Variants in CTNNA3 observed in about 807,000 individuals in gnomAD.
The protein encoded by CTNNA3 is catenin alpha 3, also known as catenin alpha-3.
CTNNA3 carries 76 observed loss-of-function variants against 95.7 expected under a neutral mutation model. That is an observed-to-expected ratio of 0.79 (90% CI 0.66 to 0.96). The LOEUF is 0.96. Ranked by LOEUF, CTNNA3 falls within the 40% of genes least tolerant of loss-of-function variation. The pLI is 0.00. For missense variants in CTNNA3, 1,191 were observed against 1,089.8 expected (o/e 1.09, Z -1.31); for synonymous variants, 431 against 374.4 (o/e 1.15, Z -1.74).
At chr10:67,400,952 A>G (rs1049915181) in intron 5 of CTNNA3, among the ~76,000 whole-genome samples, 1 of 152,220 alleles carries the variant, frequency 6.6e-6, no homozygotes, top group Admixed American at 6.5e-5. Context: ...GTGCTTATCT[A>G]ATAATATGAT....
intron 5 of CTNNA3, among the ~76,000 whole-genome samples, chr10:67,388,027 T>C (rs10997628): frequency 0.067 from 10,158 of 151,676 alleles, 468 homozygotes; most frequent in African/African-American, 0.13. Context: ...AGGAACACAG[T>C]TCCTCACCAG....
intron 2 of CTNNA3, among the ~76,000 whole-genome samples, chr10:67,623,688 GCA>G (rs1327710092): frequency 6.6e-6 from 1 of 152,116 alleles, no homozygotes; most frequent in Admixed American, 6.5e-5. Flanking sequence ...AGAGAGTGCA[GCA>G]CAGAATTGGG....
intron 7 of CTNNA3, among the ~76,000 whole-genome samples, chr10:66,801,666 G>A (rs546664903): frequency 2.9e-4 from 44 of 151,588 alleles, no homozygotes; most frequent in Admixed American, 9.2e-4. Context: ...ATATTGTTAC[G>A]TTTTCCAATC....
chr10:67,148,773 T>C (rs1172118742), intron 7 of CTNNA3, among the ~76,000 whole-genome samples: 1 of 152,190 alleles, frequency 6.6e-6, no homozygotes, highest in African/African-American at 2.4e-5. Flanking sequence ...TTATAGGTAA[T>C]TTGTAATAAA....
intron 3 of CTNNA3, among the ~76,000 whole-genome samples, chr10:67,540,940 C>G (rs1589405758): frequency 1.3e-5 from 2 of 151,798 alleles, no homozygotes; most frequent in Non-Finnish European, 2.9e-5. Flanking sequence ...CATCATTACT[C>G]TTCGTTTTCT....
chr10:66,518,270 T>C (rs951539587), intron 11 of CTNNA3, among the ~76,000 whole-genome samples: 2 of 152,148 alleles, frequency 1.3e-5, no homozygotes, highest in African/African-American at 2.4e-5. Context: ...ACAATATCCC[T>C]GGATCCCAGG....
chr10:67,296,592 A>G (rs904659685), intron 5 of CTNNA3, among the ~76,000 whole-genome samples: 1 of 152,192 alleles, frequency 6.6e-6, no homozygotes, highest in Non-Finnish European at 1.5e-5. Flanking sequence ...GGTTTAATGC[A>G]ATCCAGTTGT....
intron 14 of CTNNA3, among the ~76,000 whole-genome samples, chr10:66,085,356 G>A (rs1206011877): frequency 6.6e-6 from 1 of 152,050 alleles, no homozygotes; most frequent in Non-Finnish European, 1.5e-5. Context: ...AAGAGAATTG[G>A]TGTTTGTTGG....
intron 5 of CTNNA3, chr10:67,334,916 A>G (rs1841933772): frequency 6.5e-6 from 1 of 154,308 alleles, no homozygotes. Context: ...TCTGTGCACA[A>G]AAACAATCCA....
intron 9 of CTNNA3, among the ~76,000 whole-genome samples, chr10:66,693,819 A>G (rs1362991220): frequency 2.0e-5 from 3 of 152,046 alleles, no homozygotes; most frequent in East Asian, 1.9e-4. Flanking sequence ...ACTCAAAACC[A>G]CTCAACTACA....
chr10:66,505,107 C>T (rs1840406212), intron 11 of CTNNA3, among the ~76,000 whole-genome samples: 1 of 152,098 alleles, frequency 6.6e-6, no homozygotes, highest in African/African-American at 2.4e-5. Flanking sequence ...CCAGTTATGG[C>T]TTTTCTAAAG....
At chr10:66,958,276 A>G (rs938841180) in intron 7 of CTNNA3, among the ~76,000 whole-genome samples, 6 of 148,406 alleles carry the variant, frequency 4.0e-5, no homozygotes, top group Non-Finnish European at 7.4e-5. Flanking sequence ...TTAACAAACC[A>G]CAGGTCTTTT....
intron 12 of CTNNA3, among the ~76,000 whole-genome samples, chr10:66,294,636 G>C (rs903676099): frequency 4.6e-5 from 7 of 152,138 alleles, no homozygotes; most frequent in African/African-American, 1.7e-4. Context: ...AAATGAACAG[G>C]TTGGGACATT....
At chr10:67,105,682 C>T (rs1168978709) in intron 7 of CTNNA3, among the ~76,000 whole-genome samples, 1 of 152,112 alleles carries the variant, frequency 6.6e-6, no homozygotes, top group Non-Finnish European at 1.5e-5. Flanking sequence ...ATGGCCACCA[C>T]AATGGGGAGC....
At chr10:66,699,254 A>G (rs1022742733) in intron 9 of CTNNA3, among the ~76,000 whole-genome samples, 4 of 152,190 alleles carry the variant, frequency 2.6e-5, no homozygotes, top group African/African-American at 9.6e-5. Flanking sequence ...TTGTTGGATC[A>G]TATGGTAGTT....
chr10:66,493,599 A>ATTTT lies in CTNNA3; in HGVS notation c.1531+27014_1531+27017dup, dbSNP rs528761424. Among the ~76,000 whole-genome samples, 36 of 112,010 alleles carry ATTTT rather than the reference A, an allele frequency of 3.2e-4. 3 individuals carry two copies. Among genetic ancestry groups the ATTTT allele is most frequent in the African/African-American group, 1.1e-3 (28 of 26,626 alleles). 73.5% of individuals were successfully genotyped at this position (112,010 alleles called of 152,430 possible). A position where few individuals can be genotyped will look rare whatever the true frequency, so the allele number is the denominator to read the frequency against. ...GGGTTGGCTAACATTTAACTACAGT[A>ATTTT]TTTTTTTTTTTTTTTTTTTTGAGAC... On this transcript the variant is annotated intron_variant, in intron 11 of 17. Transcript: ENST00000433211.
intron 7 of CTNNA3, among the ~76,000 whole-genome samples, chr10:67,009,282 TAATAA>T (rs1363565866): frequency 6.6e-6 from 1 of 152,142 alleles, no homozygotes; most frequent in African/African-American, 2.4e-5. Flanking sequence ...CATCTTCCCA[TAATAA>T]ATGTTGTGTT....
chr10:67,064,088 T>C (rs1223781960), intron 7 of CTNNA3, among the ~76,000 whole-genome samples: 1 of 152,220 alleles, frequency 6.6e-6, no homozygotes, highest in East Asian at 1.9e-4. Context: ...TGCACTTATT[T>C]CTAGTTAGCC....
At chr10:66,859,120 T>C (rs889548258) in intron 7 of CTNNA3, among the ~76,000 whole-genome samples, 6 of 152,070 alleles carry the variant, frequency 3.9e-5, no homozygotes, top group South Asian at 2.1e-4. Context: ...AAATGTATAA[T>C]AGGGAATGTT....
Sources: allele counts gnomAD v4.1 joint callset (sites outside exome capture counted in the v4.1 genomes callset), GRCh38; gene constraint gnomAD v4.1.1; transcripts MANE v1.5; gene names NCBI Gene and HGNC (gene_info 2026-07-23, HGNC 2026-07-21).